Variants in ZCWPW1 observed in about 807,000 individuals in gnomAD.
The protein encoded by ZCWPW1 is zinc finger CW-type and PWWP domain containing 1.
A neutral mutation model predicts 81.3 loss-of-function variants in ZCWPW1; 56 were observed. The observed-to-expected ratio is 0.69, with a 90% CI of 0.56 to 0.86. ZCWPW1 has a LOEUF of 0.86. ZCWPW1 is among the 40% of genes least tolerant of loss of function. The pLI is 0.00. For missense variants in ZCWPW1, 650 were observed against 769.8 expected (o/e 0.84, Z 1.84); for synonymous variants, 250 against 273.7 (o/e 0.91, Z 0.86).
intron 1 of ZCWPW1, among the ~76,000 whole-genome samples, chr7:100,426,667 C>T (rs1254491660): frequency 6.8e-6 from 1 of 147,220 alleles, no homozygotes; most frequent in Non-Finnish European, 1.5e-5. Context: ...CTCCTTTACT[C>T]CTTCCTCCCT....
At chr7:100,406,113 C>G (rs1792948084) in intron 12 of ZCWPW1, among the ~76,000 whole-genome samples, 1 of 152,302 alleles carries the variant, frequency 6.6e-6, no homozygotes, top group East Asian at 1.9e-4. Flanking sequence ...AGCCTCTGCT[C>G]AATTGCAAGG....
Position 100,405,022 on chromosome 7 carries a change from G to A in ZCWPW1, c.1245C>T (p.Ile415=). ...ALMMAQEAEQ[I]SIQERVNLFG... is the part of the protein sequence containing the mutation. ...CTGAACACCCTCCCACCTGAATGCT[G>A]ATCTGTTCTGCCTCTTGAGCCATCA... Residue 415 remains isoleucine, a synonymous_variant, in exon 13 of 18, where the codon ATC becomes ATT. Transcript: ENST00000684423. 1 of 1,613,406 alleles carries A rather than the reference G, an allele frequency of 6.2e-7. No homozygotes were observed. The highest frequency in any genetic ancestry group is 8.5e-7 in the Non-Finnish European group (1 of 1,179,700).
intron 8 of ZCWPW1, among the ~76,000 whole-genome samples, chr7:100,413,191 TG>T (rs1433002688): frequency 6.6e-6 from 1 of 152,230 alleles, no homozygotes; most frequent in Non-Finnish European, 1.5e-5. Flanking sequence ...GTCACTTCCC[TG>T]GTTAAAACCC....
At chr7:100,406,102 G>C (rs750193397) in intron 12 of ZCWPW1, among the ~76,000 whole-genome samples, 3 of 152,160 alleles carry the variant, frequency 2.0e-5, no homozygotes, top group African/African-American at 7.2e-5. Context: ...CTGAGCCATT[G>C]AGCCTCTGCT....
chr7:100,404,280 C>T, intron 13 of ZCWPW1, 36 bp from the exon 14 acceptor site: 2 of 1,595,290 alleles, frequency 1.3e-6, no homozygotes, highest in East Asian at 2.2e-5. Context: ...TCATCCACTA[C>T]CCTTTCAGGC....
At chr7:100,423,656 C>T (rs1002711055) in intron 2 of ZCWPW1, among the ~76,000 whole-genome samples, 2 of 152,148 alleles carry the variant, frequency 1.3e-5, no homozygotes, top group Non-Finnish European at 2.9e-5. Context: ...TCCATTTTAA[C>T]TCATCATCAC....
intron 11 of ZCWPW1, 138 bp downstream of exon 11, chr7:100,407,090 G>T: frequency 1.3e-6 from 1 of 753,250 alleles, no homozygotes; most frequent in Non-Finnish European, 2.2e-6. Flanking sequence ...TTATCTCTGT[G>T]TTTGTCATCC....
chr7:100,417,585 G>T (rs1795533806), intron 5 of ZCWPW1, among the ~76,000 whole-genome samples: 1 of 151,834 alleles, frequency 6.6e-6, no homozygotes, highest in Admixed American at 6.6e-5. Context: ...AGGCACGGTG[G>T]CATGCACCTG....
At chr7:100,402,622 C>T in intron 15 of ZCWPW1, 46 bp from the exon 16 acceptor site, 1 of 1,586,088 alleles carries the variant, frequency 6.3e-7, no homozygotes, top group Non-Finnish European at 8.7e-7. Flanking sequence ...ATCAAGGCCC[C>T]TAACTGTTTT....
chr7:100,412,745 C>T (rs1794448758), intron 8 of ZCWPW1, among the ~76,000 whole-genome samples: 1 of 152,100 alleles, frequency 6.6e-6, no homozygotes, highest in Admixed American at 6.5e-5. Context: ...CCACACCCGG[C>T]TAATTTTTTG....
rs542230260 is a variant in ZCWPW1, at chr7:100,414,979, C to T, written c.754+996G>A. Among the ~76,000 whole-genome samples, 16 of 149,424 alleles carry T rather than the reference C, an allele frequency of 1.1e-4. 1 individual carries two copies. The highest frequency in any genetic ancestry group is 7.0e-3 in the Middle Eastern group (2 of 286). On this transcript the variant is annotated intron_variant, in intron 8 of 17. Transcript: ENST00000684423. Reference sequence around the variant, plus strand: ...GGAGAAGGTTGCAGTGAGTGGAGATCGCGCCACCGCACTCCAGCCTGGCGA... The same window carrying T: ...GGAGAAGGTTGCAGTGAGTGGAGATTGCGCCACCGCACTCCAGCCTGGCGA...
At chr7:100,428,185 T>C (rs1419778745) in intron 1 of ZCWPW1, among the ~76,000 whole-genome samples, 1 of 152,094 alleles carries the variant, frequency 6.6e-6, no homozygotes, top group African/African-American at 2.4e-5. Flanking sequence ...CTAAAGGCGA[T>C]GGGCGGAACC....
intron 5 of ZCWPW1, among the ~76,000 whole-genome samples, chr7:100,418,481 T>C (rs1360861457): frequency 6.6e-6 from 1 of 151,942 alleles, no homozygotes; most frequent in Non-Finnish European, 1.5e-5. Flanking sequence ...CAAGACCTCA[T>C]CTCTACAAAA....
At chr7:100,403,996 T>C (rs1472189292) in intron 14 of ZCWPW1, among the ~76,000 whole-genome samples, 182 bp downstream of exon 14, 1 of 152,064 alleles carries the variant, frequency 6.6e-6, no homozygotes, top group Non-Finnish European at 1.5e-5. Flanking sequence ...CCCATTCCTC[T>C]CTCCACTCAT....
intron 8 of ZCWPW1, among the ~76,000 whole-genome samples, chr7:100,414,908 C>T (rs577810255): frequency 5.3e-5 from 8 of 151,462 alleles, no homozygotes; most frequent in South Asian, 2.1e-4. Context: ...GCCTGTAGTC[C>T]GAGCTACTAG....
At chr7:100,403,671 A>C (rs1215867320) in intron 15 of ZCWPW1, 23 bp downstream of exon 15, 1 of 1,579,352 alleles carries the variant, frequency 6.3e-7, no homozygotes, top group Admixed American at 1.8e-5. Context: ...AAAAATAAAA[A>C]CTGAAATTAA....
chr7:100,401,852 T>A, intron 17 of ZCWPW1, 37 bp downstream of exon 17: 1 of 1,571,224 alleles, frequency 6.4e-7, no homozygotes, highest in Non-Finnish European at 8.6e-7. Flanking sequence ...GACAGGCACC[T>A]CATTCCCCTT....
At chr7:100,428,275 G>A (rs1798111128) in intron 1 of ZCWPW1, among the ~76,000 whole-genome samples, 1 of 152,056 alleles carries the variant, frequency 6.6e-6, no homozygotes, top group Non-Finnish European at 1.5e-5. Flanking sequence ...AGGACGCCCT[G>A]AGCACTAGCT....
At chr7:100,428,280 C>G (rs1798114521) in intron 1 of ZCWPW1, among the ~76,000 whole-genome samples, 1 of 152,148 alleles carries the variant, frequency 6.6e-6, no homozygotes, top group Non-Finnish European at 1.5e-5. Flanking sequence ...GCCCTGAGCA[C>G]TAGCTCCACC....
Sources: allele counts gnomAD v4.1 joint callset (sites outside exome capture counted in the v4.1 genomes callset), GRCh38; gene constraint gnomAD v4.1.1; transcripts MANE v1.5; gene names NCBI Gene and HGNC (gene_info 2026-07-23, HGNC 2026-07-21).